PTPRO: variants seen among roughly 807,000 people sequenced by gnomAD.
PTPRO encodes protein tyrosine phosphatase receptor type O.
Under a neutral mutation model 145.2 loss-of-function variants are expected in PTPRO, and 62 were observed. That is an observed-to-expected ratio of 0.43 (90% CI 0.35 to 0.53). The LOEUF (loss-of-function observed/expected upper bound fraction) is 0.53. Ranked by LOEUF, PTPRO falls within the 20% of genes least tolerant of loss-of-function variation. The pLI is 0.01. For missense variants in PTPRO, 1,345 were observed against 1,482.7 expected, an observed-to-expected ratio of 0.91 and a Z score of 1.53; for synonymous variants, 565 against 514.7, an observed-to-expected ratio of 1.10 and a Z score of -1.32.
At chr12:15,371,721 C>T (rs1938536644) in intron 1 of PTPRO, among the ~76,000 whole-genome samples, 1 of 151,846 alleles carries the variant, frequency 6.6e-6, no homozygotes, top group South Asian at 2.1e-4. Context: ...AATTGTAATC[C>T]CCATAATCCC....
chr12:15,402,292 G>C (rs1939517041), intron 1 of PTPRO, among the ~76,000 whole-genome samples: 1 of 152,044 alleles, frequency 6.6e-6, no homozygotes, highest in Non-Finnish European at 1.5e-5. Flanking sequence ...GGAGGTTGAG[G>C]CAGGAGAATC....
chr12:15,566,139 A>C (rs114231304), intron 18 of PTPRO, among the ~76,000 whole-genome samples: 1 of 152,208 alleles, frequency 6.6e-6, no homozygotes, highest in South Asian at 2.1e-4. Flanking sequence ...CCATTAAATG[A>C]GAAGAATTAC....
intron 1 of PTPRO, among the ~76,000 whole-genome samples, chr12:15,425,014 T>G (rs768937933): frequency 6.6e-6 from 1 of 152,154 alleles, no homozygotes; most frequent in Non-Finnish European, 1.5e-5. Flanking sequence ...GGTCAGAGAC[T>G]ACAGTCAGAC....
chr12:15,570,640 T>A (rs750406561), intron 19 of PTPRO, among the ~76,000 whole-genome samples: 2 of 152,192 alleles, frequency 1.3e-5, no homozygotes, highest in African/African-American at 4.8e-5. Context: ...TCAAAGAAAT[T>A]CAATTTGAAT....
intron 1 of PTPRO, among the ~76,000 whole-genome samples, chr12:15,366,127 C>T (rs767150786): frequency 2.0e-5 from 3 of 152,052 alleles, no homozygotes; most frequent in African/African-American, 4.8e-5. Context: ...AGCTCCTAGG[C>T]GACAAATATC....
intron 1 of PTPRO, among the ~76,000 whole-genome samples, chr12:15,437,023 C>T (rs1362692888): frequency 6.6e-6 from 1 of 151,980 alleles, no homozygotes; most frequent in African/African-American, 2.4e-5. Context: ...CTCCCTGCTC[C>T]ATTCCTAGGC....
At chr12:15,419,116 G>A (rs753063255) in intron 1 of PTPRO, among the ~76,000 whole-genome samples, 7 of 151,522 alleles carry the variant, frequency 4.6e-5, no homozygotes, top group African/African-American at 9.8e-5. Context: ...AGGTGAACTC[G>A]AAGCATACAG....
intron 15 of PTPRO, among the ~76,000 whole-genome samples, chr12:15,556,508 G>GA (rs75654902): frequency 6.2e-3 from 844 of 135,068 alleles, no homozygotes; most frequent in Middle Eastern, 7.6e-3. Flanking sequence ...TCTACTTCTG[G>GA]AAAAAAAAAA....
At position 15,501,700 on chromosome 12, in the gene PTPRO, C is replaced by A; in HGVS notation, c.742C>A (p.Pro248Thr). 6.2e-7 allele frequency: 1 copy of A among 1,613,830 alleles called. No homozygotes were observed. Among genetic ancestry groups the A allele is most frequent in the Non-Finnish European group, 8.5e-7 (1 of 1,179,866 alleles). ...NNWEEQSGNFPEESFMRSQDT... is the reference protein window; with the variant it reads ...NNWEEQSGNFTEESFMRSQDT... Reference sequence around the variant, plus strand: ...CTGGGAAGAACAGAGTGGCAATTTCCCAGAAGAATCCTTCATGAGATCACA... The same window carrying A: ...CTGGGAAGAACAGAGTGGCAATTTCACAGAAGAATCCTTCATGAGATCACA... The change falls in exon 5 of 27, where the codon CCA (proline) becomes ACA (threonine). Residue 248 changes from proline (P) to threonine (T), a missense_variant. Around this residue, in one of 3 missense-constraint regions of PTPRO, gnomAD observed 1,130 missense variants for 1,214.7 expected, o/e 0.93. Coordinates refer to ENST00000281171, the MANE Select transcript of PTPRO (RefSeq NM_030667.3).
At position 15,501,956 on chromosome 12, in the gene PTPRO, C is replaced by T. The variant is rs1942231092; in HGVS notation, c.998C>T (p.Ser333Leu). The T allele has an allele frequency of 1.2e-6, 2 of 1,613,886 alleles. No individual in the cohort carries two copies. The highest frequency in any genetic ancestry group is 4.5e-5 in the East Asian group (2 of 44,872). The change falls in exon 5 of 27, where the codon TCA (serine) becomes TTA (leucine). Residue 333 changes from serine (S) to leucine (L), a missense_variant. By Grantham distance (145) the Ser-to-Leu change is moderately radical (BLOSUM62 -2). This residue lies in a region of PTPRO where 1,130 missense variants were observed against 1,214.7 expected (regional missense o/e 0.93). Transcript: ENST00000281171. The stretch of plus-strand genomic sequence containing the variant: ...AGTACACTCAGTGAGACAGAGAAGT[C>T]AACATCAGGCTCTTTCTCCTTTTTC... ...NNSTLSETEK[S>L]TSGSFSFFPV...
intron 1 of PTPRO, among the ~76,000 whole-genome samples, chr12:15,385,824 A>G (rs1187104662): frequency 2.6e-5 from 4 of 151,288 alleles, no homozygotes; most frequent in Non-Finnish European, 5.9e-5. Context: ...AAAAAAAAAA[A>G]AAAAAAAAAG....
At chr12:15,564,388 C>T (rs796657444) in intron 17 of PTPRO, among the ~76,000 whole-genome samples, 1 of 152,284 alleles carries the variant, frequency 6.6e-6, no homozygotes, top group African/African-American at 2.4e-5. Context: ...CAGAGGGTAA[C>T]ATGGCAGAGA....
intron 1 of PTPRO, among the ~76,000 whole-genome samples, chr12:15,361,374 G>T (rs1591741786): frequency 6.7e-6 from 1 of 149,014 alleles, no homozygotes; most frequent in East Asian, 2.0e-4. Context: ...GGGAGGCGAA[G>T]GTTGCAGTGA....
At chr12:15,514,826 C>A (rs1942542571) in intron 7 of PTPRO, among the ~76,000 whole-genome samples, 1 of 151,978 alleles carries the variant, frequency 6.6e-6, no homozygotes, top group Non-Finnish European at 1.5e-5. Context: ...TGCAGTGGCA[C>A]AAACTCGGCT....
At chr12:15,364,190 C>T (rs370863619) in intron 1 of PTPRO, among the ~76,000 whole-genome samples, 23 of 152,146 alleles carry the variant, frequency 1.5e-4, no homozygotes, top group Non-Finnish European at 2.2e-4. Context: ...ATATGATGTA[C>T]GAGACATTTT....
chr12:15,482,919 C>T (rs1941810000), intron 1 of PTPRO, among the ~76,000 whole-genome samples: 1 of 152,084 alleles, frequency 6.6e-6, no homozygotes, highest in Non-Finnish European at 1.5e-5. Flanking sequence ...TCTTTCTGAG[C>T]CTCAGTTTCC....
At chr12:15,544,377 C>A (rs1263770277) in intron 12 of PTPRO, among the ~76,000 whole-genome samples, 1 of 151,560 alleles carries the variant, frequency 6.6e-6, no homozygotes, top group African/African-American at 2.4e-5. Flanking sequence ...TGGTGGCATG[C>A]GCCTGTAGTC....
At position 15,478,096 on chromosome 12, in the gene PTPRO, C is replaced by T. The variant is rs369713702; in HGVS notation, c.76-5878C>T. On this transcript the variant is annotated intron_variant, in intron 1 of 26. Coordinates refer to ENST00000281171, the MANE Select transcript of PTPRO (RefSeq NM_030667.3). ...TTCACACCCACTATTGATTCGACAC[C>T]CCCTTGGGACACTGACAAAGCAAAG... is the stretch of plus-strand genomic sequence containing the variant. 1.1e-4 allele frequency among the ~76,000 whole-genome samples: 17 copies of T among 152,108 alleles called. No homozygotes were observed. In the East Asian group the frequency reaches 3.3e-3, roughly 29 times the overall value.
At chr12:15,373,415 A>G (rs1236293298) in intron 1 of PTPRO, among the ~76,000 whole-genome samples, 2 of 152,200 alleles carry the variant, frequency 1.3e-5, no homozygotes, top group African/African-American at 2.4e-5. Flanking sequence ...TTGAAGAAGC[A>G]GATCCTAGGT....
Sources: allele counts gnomAD v4.1 joint callset (sites outside exome capture counted in the v4.1 genomes callset), GRCh38; gene constraint gnomAD v4.1.1; regional missense constraint gnomAD v4.1.1; transcripts MANE v1.5; gene names NCBI Gene and HGNC (gene_info 2026-07-23, HGNC 2026-07-21).